RBM20: variants seen among roughly 807,000 people sequenced by gnomAD.
RBM20 encodes the protein RNA binding motif protein 20.
RBM20 carries 51 observed loss-of-function variants against 110.1 expected under a neutral mutation model. The ratio of observed to expected loss-of-function variants is 0.46; its 90% confidence interval spans 0.37 to 0.59. RBM20 has a LOEUF of 0.59. RBM20 is among the 20% of genes least tolerant of loss of function. The pLI is 0.00. For synonymous variants in RBM20, 589 were observed against 618.2 expected, an observed-to-expected ratio of 0.95 and a Z score of 0.70; for missense variants, 1,512 against 1,574.9, an observed-to-expected ratio of 0.96 and a Z score of 0.68.
rs558091498 is a variant in RBM20, at chr10:110,769,589, A to C, written c.192-11212A>C. ...GGAAGGTAGTTTTATAATTAATTAC[A>C]TGTGTCCCTTGAAATTATTTTTACA... On this transcript the variant is annotated intron_variant, in intron 1 of 13. Transcript: ENST00000369519. Among the ~76,000 whole-genome samples the C allele has an allele frequency of 2.0e-5, 3 of 152,276 alleles. No homozygotes were observed. The South Asian group carries it at 6.2e-4, about 32-fold the overall frequency.
intron 7 of RBM20, 54 bp downstream of exon 7, chr10:110,799,972 C>A: frequency 4.0e-6 from 6 of 1,517,934 alleles, no homozygotes; most frequent in Non-Finnish European, 5.4e-6. Flanking sequence ...ATGAGTTTCT[C>A]CTCCGTGTTA....
chr10:110,801,960 G>T (rs1251809529), intron 7 of RBM20, among the ~76,000 whole-genome samples: 2 of 152,060 alleles, frequency 1.3e-5, no homozygotes, highest in Non-Finnish European at 2.9e-5. Flanking sequence ...TTCTTTTCAG[G>T]TCATCTGCCC....
At chr10:110,699,646 C>T (rs186805783) in intron 1 of RBM20, among the ~76,000 whole-genome samples, 8 of 152,116 alleles carry the variant, frequency 5.3e-5, no homozygotes, top group Non-Finnish European at 1.0e-4. Flanking sequence ...TGTTTCCTGT[C>T]GCTCTTTTTT....
At chr10:110,748,177 G>A (rs146388564) in intron 1 of RBM20, among the ~76,000 whole-genome samples, 2 of 152,142 alleles carry the variant, frequency 1.3e-5, no homozygotes, top group Admixed American at 1.3e-4. Context: ...TGGCGAAAAG[G>A]CATTTCCTGA....
chr10:110,820,022 C>A, intron 9 of RBM20, 50 bp from the exon 10 acceptor site: 1 of 1,197,028 alleles, frequency 8.4e-7, no homozygotes, highest in South Asian at 1.5e-5. Context: ...TTTCTTCTCC[C>A]TGTCACTGCT....
intron 1 of RBM20, among the ~76,000 whole-genome samples, chr10:110,720,382 C>G (rs1262673988): frequency 2.6e-5 from 4 of 152,188 alleles, no homozygotes; most frequent in African/African-American, 9.7e-5. Context: ...CACCTTTGCT[C>G]TCCTGGAAAG....
intron 1 of RBM20, among the ~76,000 whole-genome samples, chr10:110,714,533 G>T (rs2134919130): frequency 6.6e-6 from 1 of 152,296 alleles, no homozygotes; most frequent in South Asian, 2.1e-4. Flanking sequence ...CTTGACAGCA[G>T]CAACTTCTGC....
intron 1 of RBM20, among the ~76,000 whole-genome samples, chr10:110,669,327 G>C (rs1862227164): frequency 6.6e-6 from 1 of 152,108 alleles, no homozygotes; most frequent in Non-Finnish European, 1.5e-5. Flanking sequence ...TTGTCTTTTG[G>C]GGAATAGGAA....
intron 1 of RBM20, among the ~76,000 whole-genome samples, chr10:110,695,567 T>C (rs1043035815): frequency 1.3e-5 from 2 of 152,202 alleles, no homozygotes; most frequent in African/African-American, 2.4e-5. Flanking sequence ...ACTCCTCTTC[T>C]GGTTAAACAA....
Position 110,688,084 on chromosome 10 carries a change from A to C in RBM20, c.191+43439A>C, listed in dbSNP as rs541517927. On this transcript the variant is annotated intron_variant, in intron 1 of 13. Coordinates refer to ENST00000369519, the MANE Select transcript of RBM20 (RefSeq NM_001134363.3). The stretch of plus-strand genomic sequence containing the variant: ...AAGGAGAGAGAGAAATAATGAGTTG[A>C]TAATTTTTAGAAATTTGGTGGTCTA... Among the ~76,000 whole-genome samples the C allele has an allele frequency of 2.6e-5, 4 of 151,990 alleles. No homozygotes were observed. In the East Asian group the frequency reaches 7.7e-4, roughly 29 times the overall value.
intron 1 of RBM20, among the ~76,000 whole-genome samples, chr10:110,763,133 G>A (rs746984357): frequency 6.6e-6 from 1 of 152,192 alleles, no homozygotes; most frequent in Non-Finnish European, 1.5e-5. Context: ...GGTCACTGGG[G>A]CAGGTGGCCC....
chr10:110,718,314 A>G (rs1053144174), intron 1 of RBM20, among the ~76,000 whole-genome samples: 1 of 152,184 alleles, frequency 6.6e-6, no homozygotes, highest in Non-Finnish European at 1.5e-5. Flanking sequence ...ACAGACATTC[A>G]GGCATCTTAG....
intron 5 of RBM20, among the ~76,000 whole-genome samples, chr10:110,794,588 A>C (rs1844526983): frequency 6.6e-6 from 1 of 152,262 alleles, no homozygotes; most frequent in Non-Finnish European, 1.5e-5. Flanking sequence ...AACCATTTGC[A>C]GTTGATGTAG....
intron 7 of RBM20, among the ~76,000 whole-genome samples, chr10:110,807,611 A>G (rs1833114902): frequency 6.6e-6 from 1 of 152,070 alleles, no homozygotes; most frequent in Non-Finnish European, 1.5e-5. Flanking sequence ...CCTGAGCCCT[A>G]CCCTCATAGT....
chr10:110,727,436 C>T (rs1474794931), intron 1 of RBM20, among the ~76,000 whole-genome samples: 1 of 120,910 alleles, frequency 8.3e-6, no homozygotes, highest in East Asian at 2.0e-4. Flanking sequence ...ATAAAAAGTC[C>T]ATCCTGTTCT....
At chr10:110,727,788 C>T (rs2134945395) in intron 1 of RBM20, among the ~76,000 whole-genome samples, 1 of 152,306 alleles carries the variant, frequency 6.6e-6, no homozygotes, top group South Asian at 2.1e-4. Flanking sequence ...TGTCCTAATG[C>T]TTTCCCTCCC....
intron 1 of RBM20, among the ~76,000 whole-genome samples, chr10:110,757,931 C>A (rs1564836601): frequency 6.8e-6 from 1 of 147,574 alleles, no homozygotes; most frequent in East Asian, 2.1e-4. Context: ...GTTGTTTATT[C>A]AAAATATTGA....
intron 1 of RBM20, among the ~76,000 whole-genome samples, chr10:110,718,964 T>C (rs1402087244): frequency 6.6e-6 from 1 of 152,200 alleles, no homozygotes; most frequent in East Asian, 1.9e-4. Context: ...GATAGCATAG[T>C]TAATCTGCTT....
chr10:110,693,047 A>G (rs531447417), intron 1 of RBM20, among the ~76,000 whole-genome samples: 1 of 151,070 alleles, frequency 6.6e-6, no homozygotes, highest in Admixed American at 6.6e-5. Flanking sequence ...TATTTTGTTA[A>G]TGTGGTATAT....
Sources: gnomAD v4.1 joint callset for allele counts (sites outside exome capture counted in the v4.1 genomes callset) on GRCh38, gnomAD v4.1.1 for gene constraint, MANE v1.5 for transcripts, NCBI Gene and HGNC (gene_info 2026-07-23, HGNC 2026-07-21) for gene names.